The following CTSS variants were observed in gnomAD, a reference collection of about 807,000 sequenced individuals.
CTSS encodes cathepsin S.
In CTSS, 15 loss-of-function variants were observed where a neutral mutation model predicts 39.9. That is an observed-to-expected ratio of 0.38 (90% CI 0.25 to 0.58). CTSS has a LOEUF of 0.58. Among genes scored for constraint, CTSS ranks in the 20% least tolerant of loss-of-function variants. CTSS has a pLI of 0.70. For synonymous variants in CTSS, 126 were observed against 138.2 expected, an observed-to-expected ratio of 0.91 and a Z score of 0.62; for missense variants, 250 against 398.2, an observed-to-expected ratio of 0.63 and a Z score of 3.17.
chr1:150,737,532 T>C (rs950186318), intron 7 of CTSS, among the ~76,000 whole-genome samples: 1 of 152,116 alleles, frequency 6.6e-6, no homozygotes, highest in Non-Finnish European at 1.5e-5. Flanking sequence ...CTTAGCAAAG[T>C]GGGAAAGTTG....
chr1:150,743,552 G>T (rs1185926198), intron 7 of CTSS, among the ~76,000 whole-genome samples: 2 of 130,396 alleles, frequency 1.5e-5, no homozygotes, highest in Non-Finnish European at 3.1e-5. Context: ...TATATAGAGA[G>T]ATTTATATGT....
At chr1:150,754,952 T>A in intron 4 of CTSS, 49 bp downstream of exon 4, 1 of 1,567,108 alleles carries the variant, frequency 6.4e-7, no homozygotes, top group Non-Finnish European at 8.7e-7. Flanking sequence ...AGACTAAGCA[T>A]TTAAAGAGCT....
intron 1 of CTSS, among the ~76,000 whole-genome samples, chr1:150,765,089 T>TTATC: frequency 6.7e-6 from 1 of 148,656 alleles, no homozygotes; most frequent in South Asian, 2.1e-4. Context: ...GGAAATCTCT[T>TTATC]TCTCTCTCTC....
At chr1:150,741,886 G>A (rs587728102) in intron 7 of CTSS, among the ~76,000 whole-genome samples, 10 of 58,270 alleles carry the variant, frequency 1.7e-4, no homozygotes, top group Admixed American at 1.3e-3. Context: ...AAAAAAAAAG[G>A]GGGGGGGAAG....
intron 4 of CTSS, 124 bp from the exon 5 acceptor site, chr1:150,752,132 C>A: frequency 4.4e-6 from 4 of 903,720 alleles, no homozygotes; most frequent in South Asian, 1.7e-5. Flanking sequence ...AGAGCTCCCC[C>A]ACTACAGTTT....
chr1:150,740,449 G>T (rs1255504280), intron 7 of CTSS, among the ~76,000 whole-genome samples: 1 of 152,036 alleles, frequency 6.6e-6, no homozygotes, highest in African/African-American at 2.4e-5. Context: ...GGAGCGCAGT[G>T]GTGTGATCTT....
At position 150,755,074 on chromosome 1, in the gene CTSS, G is replaced by C; in HGVS notation, c.326C>G (p.Ser109Ter). The C allele has an allele frequency of 6.2e-7, 1 of 1,614,088 alleles. No homozygotes were observed. Among genetic ancestry groups the C allele is most frequent in the Non-Finnish European group, 8.5e-7 (1 of 1,179,982 alleles). The change falls in exon 4 of 8, where the codon TCA becomes TGA. Residue 109 changes from serine to a stop codon, truncating the protein, a stop_gained. Transcript: ENST00000368985. LOFTEE classifies it high-confidence loss of function. Reference protein sequence around the residue: ...SQWQRNITYKSNPNRILPDSV... With the variant: ...SQWQRNITYK ...ATCAGGCAATATCCGATTAGGGTTTGACTTATATGTGATATTTCTCTGCCA... is the reference window on the plus strand; with the variant it reads ...ATCAGGCAATATCCGATTAGGGTTTCACTTATATGTGATATTTCTCTGCCA...
At chr1:150,756,151 A>G (rs1015588105) in intron 3 of CTSS, among the ~76,000 whole-genome samples, 16 of 152,104 alleles carry the variant, frequency 1.1e-4, no homozygotes, top group African/African-American at 3.4e-4. Flanking sequence ...ACACACACAC[A>G]CATTAGCCTA....
At position 150,751,831 on chromosome 1, in the gene CTSS, T is replaced by C. The variant is rs1267270322; in HGVS notation, c.577A>G (p.Ile193Val). ...TCTGAGTCGATGCCCTTGTTATCAA[T>C]GATGTACTGGAAAGCCGTTGTCATG... is the stretch of plus-strand genomic sequence containing the variant. ...GFMTTAFQYI[I>V]DNKGIDSDAS... Residue 193 changes from isoleucine to valine, a missense_variant, in exon 5 of 8, where the codon ATT (isoleucine) becomes GTT (valine). Physicochemically the swap from Ile to Val is conservative, Grantham distance 29. Transcript: ENST00000368985. 3.1e-6 allele frequency: 5 copies of C among 1,614,040 alleles called. No homozygotes were observed. Among genetic ancestry groups the C allele is most frequent in the Non-Finnish European group, 4.2e-6 (5 of 1,180,032 alleles).
intron 3 of CTSS, among the ~76,000 whole-genome samples, chr1:150,755,763 A>G (rs1156324184): frequency 6.6e-6 from 1 of 151,748 alleles, no homozygotes; most frequent in African/African-American, 2.4e-5. Flanking sequence ...AAAAGTAAAA[A>G]TGGTACTTCT....
intron 7 of CTSS, among the ~76,000 whole-genome samples, chr1:150,734,458 T>C (rs1652592069): frequency 6.6e-6 from 1 of 151,904 alleles, no homozygotes; most frequent in South Asian, 2.1e-4. Flanking sequence ...CTGATCAACA[T>C]GGTGAAACCC....
chr1:150,764,597 C>T, intron 2 of CTSS, 41 bp downstream of exon 2: 1 of 1,611,552 alleles, frequency 6.2e-7, no homozygotes, highest in Non-Finnish European at 8.5e-7. Flanking sequence ...GAAAACAGTA[C>T]TCCTTTAAAA....
intron 6 of CTSS, 34 bp from the exon 7 acceptor site, chr1:150,747,913 A>T: frequency 1.5e-6 from 2 of 1,358,644 alleles, no homozygotes; most frequent in Non-Finnish European, 2.1e-6. Flanking sequence ...AAAAAGAGTG[A>T]ATACTATAGG....
At chr1:150,733,498 A>C (rs1196311305) in intron 7 of CTSS, among the ~76,000 whole-genome samples, 1 of 152,208 alleles carries the variant, frequency 6.6e-6, no homozygotes, top group Non-Finnish European at 1.5e-5. Flanking sequence ...TATCATGTGT[A>C]ATGATTTTCT....
Position 150,753,262 on chromosome 1 carries a change from A to G in CTSS, c.400-1254T>C, listed in dbSNP as rs77453473. Among the ~76,000 whole-genome samples the G allele has an allele frequency of 8.0e-3, 1,223 of 152,312 alleles. 9 individuals are homozygous for G. The highest frequency in any genetic ancestry group is 0.011 in the Non-Finnish European group (732 of 68,020). On this transcript the variant is annotated intron_variant, in intron 4 of 7. Coordinates refer to ENST00000368985, the MANE Select transcript of CTSS (RefSeq NM_004079.5). ...CTTACCCTGACCTCTATGGTGATAC[A>G]TGTGTTTTACCTCTAACTAATTTAG...
At position 150,745,820 on chromosome 1, in the gene CTSS, C is replaced by CT. The variant is rs915933734; in HGVS notation, c.896+1956dup. On this transcript the variant is annotated intron_variant, in intron 7 of 7. Coordinates refer to ENST00000368985, the MANE Select transcript of CTSS (RefSeq NM_004079.5). ...CAGAAGCTAGGGGAGAGGCATCAAACTTTTTTTTTTAATTAAAAGAACATA... is the reference window on the plus strand; with the variant it reads ...CAGAAGCTAGGGGAGAGGCATCAAACTTTTTTTTTTTAATTAAAAGAACATA... Among the ~76,000 whole-genome samples, 340 of 149,288 alleles carry CT rather than the reference C, an allele frequency of 2.3e-3. 1 individual carries two copies. The highest frequency in any genetic ancestry group is 8.0e-3 in the African/African-American group (324 of 40,714).
chr1:150,754,966 C>T lies in CTSS; in HGVS notation c.399+35G>A, dbSNP rs779403741. On this transcript the variant is annotated intron_variant, in intron 4 of 7. Coordinates refer to ENST00000368985, the MANE Select transcript of CTSS (RefSeq NM_004079.5). The stretch of plus-strand genomic sequence containing the variant: ...TAGACTAAGCATTTAAAGAGCTCTA[C>T]CTAGGGTTCAGAGGCTTGGGATGGT... The T allele has an allele frequency of 3.1e-6, 5 of 1,598,548 alleles. No homozygotes were observed. In the East Asian group the frequency reaches 1.1e-4, roughly 36 times the overall value.
At chr1:150,746,409 T>C (rs1652895732) in intron 7 of CTSS, among the ~76,000 whole-genome samples, 1 of 152,162 alleles carries the variant, frequency 6.6e-6, no homozygotes. Context: ...AATACATATA[T>C]TGAGGGGCCT....
rs936063103 is a variant in CTSS at position 150,731,329 on chromosome 1, A to C, written c.*1717T>G. On this transcript the variant is annotated 3_prime_UTR_variant, in exon 8 of 8. Coordinates refer to ENST00000368985, the MANE Select transcript of CTSS (RefSeq NM_004079.5). ...CTTGAACTCGGGAGGCAGAAGTTGC[A>C]GTGAACTGAGATGGTGCCACTGCAC... The C allele has an allele frequency of 6.6e-6, 1 of 152,304 alleles. No homozygotes were observed. Among genetic ancestry groups the C allele is most frequent in the Non-Finnish European group, 1.5e-5 (1 of 68,094 alleles). 9.4% of individuals were successfully genotyped at this position (152,304 alleles called of 1,614,324 possible).
Sources: allele counts gnomAD v4.1 joint callset (sites outside exome capture counted in the v4.1 genomes callset), GRCh38; gene constraint gnomAD v4.1.1; transcripts MANE v1.5; gene names NCBI Gene and HGNC (gene_info 2026-07-23, HGNC 2026-07-21).